Variants in GRAMD2B observed in about 807,000 individuals in gnomAD.
GRAMD2B encodes GRAM domain containing 2B.
In GRAMD2B, 41 loss-of-function variants were observed where a neutral mutation model predicts 59.2. The ratio of observed to expected loss-of-function variants is 0.69; its 90% CI spans 0.54 to 0.90. The LOEUF (loss-of-function observed/expected upper bound fraction) is 0.90. Ranked by LOEUF, GRAMD2B falls within the 40% of genes least tolerant of loss-of-function variation. The pLI, the probability that GRAMD2B is intolerant of heterozygous loss-of-function variation, is 0.00. For synonymous variants in GRAMD2B, 161 were observed against 182.7 expected, an observed-to-expected ratio of 0.88 and a Z score of 0.96; for missense variants, 424 against 500.5, an observed-to-expected ratio of 0.85 and a Z score of 1.46.
chr5:126,465,663 C>T (rs1368311296), intron 2 of GRAMD2B, 118 bp downstream of exon 2: 1 of 877,766 alleles, frequency 1.1e-6, no homozygotes, highest in African/African-American at 1.7e-5. Context: ...ACAAATAATA[C>T]TCCTGAGAAA....
intron 2 of GRAMD2B, among the ~76,000 whole-genome samples, chr5:126,468,215 C>T (rs1475185564): frequency 6.6e-6 from 1 of 152,166 alleles, no homozygotes; most frequent in African/African-American, 2.4e-5. Context: ...TACAAATGTA[C>T]ACATCCACTA....
intron 2 of GRAMD2B, among the ~76,000 whole-genome samples, chr5:126,468,909 C>T (rs1368788228): frequency 6.6e-6 from 1 of 152,130 alleles, no homozygotes; most frequent in Non-Finnish European, 1.5e-5. Context: ...GTGTTTGATG[C>T]ATGCATACAC....
At chr5:126,477,651 G>A in intron 5 of GRAMD2B, 41 bp from the exon 6 acceptor site, 1 of 1,068,350 alleles carries the variant, frequency 9.4e-7, no homozygotes, top group Admixed American at 1.7e-5. Context: ...GTGCTGTTCT[G>A]TCAAGTCTGA....
chr5:126,410,629 C>A (rs2149756406), intron 1 of GRAMD2B, among the ~76,000 whole-genome samples: 1 of 152,126 alleles, frequency 6.6e-6, no homozygotes, highest in South Asian at 2.1e-4. Context: ...ATCATGTTAT[C>A]TGGTAGTTCT....
chr5:126,484,269 CAACT>C, intron 9 of GRAMD2B, 129 bp from the exon 10 acceptor site: 1 of 1,012,226 alleles, frequency 9.9e-7, no homozygotes, highest in Non-Finnish European at 1.4e-6. Context: ...CCAGCCACCA[CAACT>C]AACTTGTGAG....
At chr5:126,446,295 G>GT (rs879690114) in intron 1 of GRAMD2B, among the ~76,000 whole-genome samples, 4 of 152,170 alleles carry the variant, frequency 2.6e-5, no homozygotes, top group Admixed American at 1.3e-4. Flanking sequence ...GGTAGGAGTG[G>GT]TGGGCTACAG....
At chr5:126,477,067 C>G (rs57226484) in intron 5 of GRAMD2B, among the ~76,000 whole-genome samples, 1 of 152,170 alleles carries the variant, frequency 6.6e-6, no homozygotes, top group Non-Finnish European at 1.5e-5. Flanking sequence ...TATCTGCCAA[C>G]ATATAACTGG....
At chr5:126,414,885 T>A (rs930946195) in intron 1 of GRAMD2B, among the ~76,000 whole-genome samples, 4 of 152,122 alleles carry the variant, frequency 2.6e-5, no homozygotes, top group Admixed American at 6.6e-5. Context: ...CTCATGAAAA[T>A]TTTTTTAAGG....
chr5:126,417,175 C>T (rs1181169455), intron 1 of GRAMD2B, among the ~76,000 whole-genome samples: 1 of 152,236 alleles, frequency 6.6e-6, no homozygotes, highest in Non-Finnish European at 1.5e-5. Context: ...TTGTGTAGTT[C>T]TCTCACCTTG....
chr5:126,465,677 T>A (rs1768203258), intron 2 of GRAMD2B, 132 bp downstream of exon 2: 1 of 802,102 alleles, frequency 1.2e-6, no homozygotes, highest in East Asian at 2.6e-5. Context: ...TGAGAAAGAA[T>A]GAGCATTTTT....
chr5:126,491,237 C>A (rs1198720435), intron 13 of GRAMD2B, among the ~76,000 whole-genome samples: 1 of 152,034 alleles, frequency 6.6e-6, no homozygotes, highest in East Asian at 1.9e-4. Context: ...CTTTTTCTAC[C>A]TCCCACTCCT....
chr5:126,411,219 G>T (rs1040029250), intron 1 of GRAMD2B, among the ~76,000 whole-genome samples: 1 of 152,030 alleles, frequency 6.6e-6, no homozygotes, highest in African/African-American at 2.4e-5. Flanking sequence ...TTTCTTCTAG[G>T]ATTCTTACAG....
chr5:126,400,560 A>C (rs945488740), intron 1 of GRAMD2B, among the ~76,000 whole-genome samples: 2 of 152,166 alleles, frequency 1.3e-5, no homozygotes, highest in East Asian at 3.9e-4. Context: ...TGAGTTACAC[A>C]TTTTCATATG....
intron 1 of GRAMD2B, chr5:126,462,540 G>A (rs763751148): frequency 2.0e-5 from 11 of 552,450 alleles, no homozygotes; most frequent in Non-Finnish European, 2.1e-5. Context: ...AAATTGACTC[G>A]TAGATGAATT....
chr5:126,413,142 C>T (rs1758963546), intron 1 of GRAMD2B, among the ~76,000 whole-genome samples: 1 of 151,916 alleles, frequency 6.6e-6, no homozygotes, highest in Admixed American at 6.6e-5. Context: ...TTATTTTCTT[C>T]TAGTAACTTA....
In GRAMD2B at chr5:126,484,512, C is replaced by T; in HGVS notation, c.958C>T (p.Leu320Phe). The change falls in exon 10 of 14, where the codon CTC becomes TTC. Residue 320 changes from leucine to phenylalanine, a missense_variant. By Grantham distance (22) the Leu-to-Phe change is conservative. Transcript: ENST00000285689. ...AGTACCTGAAGGAAAAGCCAAGAGT[C>T]TCCCTGTACAGGGTAAGGAATGGAT... ...NRVPEGKAKS[L>F]PVQGLSETVG... The T allele has an allele frequency of 6.2e-7, 1 of 1,613,686 alleles. No individual in the cohort carries two copies. The highest frequency in any genetic ancestry group is 8.5e-7 in the Non-Finnish European group (1 of 1,179,906).
chr5:126,432,280 T>A (rs916203371), intron 1 of GRAMD2B, among the ~76,000 whole-genome samples: 2 of 152,232 alleles, frequency 1.3e-5, no homozygotes, highest in African/African-American at 4.8e-5. Context: ...TTAAAGTCCA[T>A]ATATATCAGG....
intron 1 of GRAMD2B, among the ~76,000 whole-genome samples, chr5:126,386,134 G>T (rs1644790185): frequency 6.6e-6 from 1 of 152,286 alleles, no homozygotes; most frequent in South Asian, 2.1e-4. Flanking sequence ...TTTAGAGGTT[G>T]TATTTGGTTG....
intron 1 of GRAMD2B, among the ~76,000 whole-genome samples, chr5:126,450,274 G>A (rs778993282): frequency 6.6e-5 from 10 of 151,984 alleles, no homozygotes; most frequent in African/African-American, 2.4e-4. Flanking sequence ...CTTCTAAGTC[G>A]GCTTCTAATG....
Sources: gnomAD v4.1 joint callset for allele counts (sites outside exome capture counted in the v4.1 genomes callset) on GRCh38, gnomAD v4.1.1 for gene constraint, MANE v1.5 for transcripts, NCBI Gene and HGNC (gene_info 2026-07-23, HGNC 2026-07-21) for gene names.